CHRM3: variants seen among roughly 807,000 people sequenced by gnomAD.
CHRM3 encodes the protein cholinergic receptor muscarinic 3.
Under a neutral mutation model 41.8 loss-of-function variants are expected in CHRM3, and 11 were observed. That is an observed-to-expected ratio of 0.26 (90% CI 0.17 to 0.44). CHRM3 has a LOEUF of 0.44. Ranked by LOEUF, CHRM3 falls within the 20% of genes least tolerant of loss-of-function variation. The probability of loss-of-function intolerance (pLI) is 1.00; values close to 1 mark genes in which losing one functional copy is unlikely to be tolerated. For missense variants in CHRM3, 571 were observed against 745.4 expected (o/e 0.77, Z 2.72); for synonymous variants, 297 against 301.4 (o/e 0.99, Z 0.15).
chr1:239,480,475 T>C (rs1666758755), intron 1 of CHRM3, among the ~76,000 whole-genome samples: 2 of 151,372 alleles, frequency 1.3e-5, no homozygotes, highest in Admixed American at 1.3e-4. Flanking sequence ...TTGGAGCACC[T>C]CCTGTGTGGC....
At chr1:239,649,119 T>C (rs540745586) in intron 4 of CHRM3, among the ~76,000 whole-genome samples, 1 of 152,288 alleles carries the variant, frequency 6.6e-6, no homozygotes, top group African/African-American at 2.4e-5. Flanking sequence ...TCTGAATGTT[T>C]CTGTTCCCCT....
intron 5 of CHRM3, among the ~76,000 whole-genome samples, chr1:239,708,738 T>TTTTC (rs1661451609): frequency 7.5e-5 from 4 of 53,310 alleles, no homozygotes; most frequent in Non-Finnish European, 1.1e-4. Flanking sequence ...TAAATTTTCT[T>TTTTC]TTTTTTTTTT....
intron 1 of CHRM3, among the ~76,000 whole-genome samples, chr1:239,417,960 A>G (rs1661633871): frequency 6.6e-6 from 1 of 152,226 alleles, no homozygotes; most frequent in Non-Finnish European, 1.5e-5. Context: ...ACTGTGTGAT[A>G]GGTTGCTATG....
At chr1:239,789,726 C>T (rs1378056043) in intron 5 of CHRM3, among the ~76,000 whole-genome samples, 2 of 152,184 alleles carry the variant, frequency 1.3e-5, no homozygotes, top group Non-Finnish European at 2.9e-5. Context: ...GAGGGGTCCA[C>T]CCCTATGACC....
chr1:239,736,890 C>T (rs4604682), intron 5 of CHRM3, among the ~76,000 whole-genome samples: 3 of 152,128 alleles, frequency 2.0e-5, no homozygotes, highest in Non-Finnish European at 4.4e-5. Context: ...AATCGATTCT[C>T]TACTCTTAGT....
chr1:239,749,084 T>C (rs1665597161), intron 5 of CHRM3, among the ~76,000 whole-genome samples: 1 of 152,196 alleles, frequency 6.6e-6, no homozygotes, highest in African/African-American at 2.4e-5. Context: ...CAGATACATA[T>C]TTATTTTTCT....
chr1:239,633,768 A>G (rs1286094078), intron 4 of CHRM3, among the ~76,000 whole-genome samples: 1 of 116,714 alleles, frequency 8.6e-6, no homozygotes, highest in Non-Finnish European at 1.7e-5. Flanking sequence ...CGAACTGGGG[A>G]TACTGGAGCA....
chr1:239,849,340 C>T (rs1162250713), intron 6 of CHRM3, among the ~76,000 whole-genome samples: 3 of 152,106 alleles, frequency 2.0e-5, no homozygotes, highest in Non-Finnish European at 4.4e-5. Context: ...GAGATAAGAC[C>T]AACAGCCACA....
At chr1:239,684,663 AAAG>A (rs1210566451) in intron 5 of CHRM3, among the ~76,000 whole-genome samples, 474 of 151,452 alleles carry the variant, frequency 3.1e-3, no homozygotes, top group African/African-American at 0.011. Context: ...AAAAAAGAAA[AAAG>A]AAAGAAAAAA....
intron 6 of CHRM3, among the ~76,000 whole-genome samples, chr1:239,874,288 T>TATAG (rs1460357160): frequency 6.2e-5 from 4 of 64,224 alleles, no homozygotes; most frequent in African/African-American, 3.5e-4. Context: ...ATACACAGTA[T>TATAG]ATATATATAT....
Position 239,847,670 on chromosome 1 carries a change from G to A in CHRM3, c.-20+20292G>A, listed in dbSNP as rs568246886. Reference sequence around the variant, plus strand: ...ACTTGATCCCATGAGTTCCAGGCCAGCCTGGGCAACATAGTGAGACCTCAT... The same window carrying A: ...ACTTGATCCCATGAGTTCCAGGCCAACCTGGGCAACATAGTGAGACCTCAT... On this transcript the variant is annotated intron_variant, in intron 6 of 6. Transcript: ENST00000676153. Among the ~76,000 whole-genome samples, 6 of 152,112 alleles carry A rather than the reference G, an allele frequency of 3.9e-5. No individual in the cohort carries two copies. In the East Asian group the frequency reaches 9.7e-4, roughly 25 times the overall value.
chr1:239,874,297 A>ATATATATATATATATATACACAG (rs1553291926), intron 6 of CHRM3, among the ~76,000 whole-genome samples: 6 of 92,200 alleles, frequency 6.5e-5, no homozygotes, highest in African/African-American at 1.8e-4. Context: ...ATATATATAT[A>ATATATATATATATATATACACAG]TATATATATA....
chr1:239,745,578 T>TG (rs1313252487), intron 5 of CHRM3, among the ~76,000 whole-genome samples: 4 of 152,126 alleles, frequency 2.6e-5, no homozygotes, highest in Non-Finnish European at 5.9e-5. Flanking sequence ...CATGCCATGA[T>TG]GGCTTGCTGC....
chr1:239,407,417 T>TATATATATATATAGAGAGAG lies in CHRM3; in HGVS notation c.-521+20191_-521+20192insTATATATATATAGAGAGAGA. Among the ~76,000 whole-genome samples the TATATATATATATAGAGAGAG allele has an allele frequency of 7.5e-5, 10 of 134,212 alleles. 1 individual carries two copies. The South Asian group carries it at 2.1e-3, about 29-fold the overall frequency. The allele number at this position is 134,212 out of a possible 152,430, so 88.0% of individuals were successfully genotyped here. ...ACCAATGACTATAAATATATATATATAGAGAGAGAGAGAGAGAGAGAGAGC... is the reference window on the plus strand; with the variant it reads ...ACCAATGACTATAAATATATATATATATATATATATATAGAGAGAGAGAGAGAGAGAGAGAGAGAGAGAGC... On this transcript the variant is annotated intron_variant, in intron 1 of 6. Transcript: ENST00000676153.
intron 1 of CHRM3, among the ~76,000 whole-genome samples, chr1:239,483,918 C>G (rs1489027165): frequency 6.6e-6 from 1 of 152,156 alleles, no homozygotes. Flanking sequence ...ATTTGGCTAC[C>G]TTTCTCTTGG....
chr1:239,655,510 T>C (rs193025102), intron 4 of CHRM3, among the ~76,000 whole-genome samples: 34 of 152,350 alleles, frequency 2.2e-4, no homozygotes, highest in Admixed American at 1.4e-3. Flanking sequence ...CTATTTGAGG[T>C]CCCTAGTTTC....
At chr1:239,801,441 C>G (rs554528905) in intron 5 of CHRM3, among the ~76,000 whole-genome samples, 93 of 152,070 alleles carry the variant, frequency 6.1e-4, no homozygotes, top group Non-Finnish European at 1.2e-3. Context: ...TTGGGCAGCC[C>G]CTGGTGTTTC....
At chr1:239,395,482 G>T (rs1303886613) in intron 1 of CHRM3, among the ~76,000 whole-genome samples, 1 of 151,992 alleles carries the variant, frequency 6.6e-6, no homozygotes, top group African/African-American at 2.4e-5. Context: ...CCTACATTTA[G>T]CCAGGTACCG....
Position 239,908,645 on chromosome 1 carries a change from G to A in CHRM3, c.1194G>A (p.Met398Ile). Residue 398 changes from methionine (M) to isoleucine (I), a missense_variant, in exon 7 of 7, where the codon ATG becomes ATA. Around this residue, in one of 5 missense-constraint regions of CHRM3, gnomAD observed 239 missense variants for 239.6 expected, o/e 1.00. Transcript: ENST00000676153. The surrounding 1 kb of genome is among the most constrained non-coding windows in gnomAD (Gnocchi z 7.2). ...NLQVPEEELG[M>I]VDLERKADKL... ...AGGTGCCTGAGGAGGAGCTGGGGATGGTGGACTTGGAGAGGAAAGCCGACA... is the reference window on the plus strand; with the variant it reads ...AGGTGCCTGAGGAGGAGCTGGGGATAGTGGACTTGGAGAGGAAAGCCGACA... 1.2e-6 allele frequency: 2 copies of A among 1,612,202 alleles called. No homozygotes were observed.
Sources: gnomAD v4.1 joint callset for allele counts (sites outside exome capture counted in the v4.1 genomes callset) on GRCh38, gnomAD v4.1.1 for gene constraint, gnomAD v4.1.1 regional missense constraint, Gnocchi (gnomAD v3.1) non-coding constraint, MANE v1.5 for transcripts, NCBI Gene and HGNC (gene_info 2026-07-23, HGNC 2026-07-21) for gene names.